Variants in MMP2 observed in about 807,000 individuals in gnomAD.
The protein encoded by MMP2 is 72 kDa type IV collagenase.
MMP2 carries 39 observed loss-of-function variants against 74.8 expected under a neutral mutation model. That is an observed-to-expected ratio of 0.52 (90% CI 0.40 to 0.68). The LOEUF is 0.68. Ranked by LOEUF, MMP2 falls within the 30% of genes least tolerant of loss-of-function variation. The pLI is 0.00. For synonymous variants in MMP2, 367 were observed against 339.8 expected (o/e 1.08, Z -0.88); for missense variants, 803 against 878.3 (o/e 0.91, Z 1.08).
At position 55,505,702 on chromosome 16, in the gene MMP2, A is replaced by C. The variant is rs7201; in HGVS notation, c.*260A>C. 217,731 of 543,508 alleles carry C rather than the reference A, an allele frequency of 0.4. 45,966 individuals are homozygous for C. Among genetic ancestry groups the C allele is most frequent in the Non-Finnish European group, 0.46 (137,294 of 300,748 alleles). The allele number at this position is 543,508 out of a possible 1,614,324, so 33.7% of individuals were successfully genotyped here. ...CCCTCAGAGCCACCCCTAAAGAGAT[A>C]CTTTGATATTTTCAACGCAGCCCTG... On this transcript the variant is annotated 3_prime_UTR_variant, in exon 13 of 13. Transcript: ENST00000219070.
At chr16:55,489,906 C>T in intron 7 of MMP2, 82 bp downstream of exon 7, 2 of 1,484,616 alleles carry the variant, frequency 1.3e-6, no homozygotes, top group South Asian at 1.2e-5. Context: ...CCTGAGACCT[C>T]ACCCACTTCA....
At chr16:55,502,561 T>A (rs1165215125) in intron 11 of MMP2, among the ~76,000 whole-genome samples, 4 of 152,080 alleles carry the variant, frequency 2.6e-5, no homozygotes, top group Admixed American at 2.0e-4. Flanking sequence ...TTTTATGGGG[T>A]CATCCAAAGT....
chr16:55,491,316 G>A lies in MMP2; in HGVS notation c.1181-485G>A, dbSNP rs17859932. 5.0e-3 allele frequency among the ~76,000 whole-genome samples: 760 copies of A among 152,154 alleles called. 6 individuals are homozygous for A. Among genetic ancestry groups the A allele is most frequent in the African/African-American group, 0.017 (708 of 41,506 alleles). The stretch of plus-strand genomic sequence containing the variant: ...GCTGTGGCTCAGCCTGTGCAACCAC[G>A]CTAAGTGTGAAAGGTTTTTACTGCT... On this transcript the variant is annotated intron_variant, in intron 7 of 12. Transcript: ENST00000219070.
Position 55,479,434 on chromosome 16 carries a change from C to G in MMP2, c.-46C>G, listed in dbSNP as rs949271406. ...CAGGCGGCGAGGCGGCCACACGCAC[C>G]GAGCCAGCGACCCCCGGGCGACGCG... On this transcript the variant is annotated 5_prime_UTR_variant, in exon 1 of 13. Transcript: ENST00000219070. The G allele has an allele frequency of 1.4e-6, 2 of 1,435,518 alleles. No homozygotes were observed. The highest frequency in any genetic ancestry group is 1.8e-6 in the Non-Finnish European group (2 of 1,101,046). 88.9% of individuals were successfully genotyped at this position (1,435,518 alleles called of 1,614,324 possible). A position where few individuals can be genotyped will look rare whatever the true frequency, so the allele number is the denominator to read the frequency against.
intron 9 of MMP2, among the ~76,000 whole-genome samples, chr16:55,495,012 G>C (rs1962498449): frequency 6.6e-6 from 1 of 152,234 alleles, no homozygotes; most frequent in Non-Finnish European, 1.5e-5. Flanking sequence ...CTTTCAGGAA[G>C]AGTTTCCTCT....
At chr16:55,489,099 T>C (rs9928731) in intron 6 of MMP2, among the ~76,000 whole-genome samples, 70,763 of 152,006 alleles carry the variant, frequency 0.47, 16,449 homozygotes, top group South Asian at 0.51. Flanking sequence ...CCTTTTAGTC[T>C]GTTTTTTATT....
At chr16:55,489,496 T>A (rs538693128) in intron 6 of MMP2, among the ~76,000 whole-genome samples, 155 bp from the exon 7 acceptor site, 1 of 152,326 alleles carries the variant, frequency 6.6e-6, no homozygotes, top group African/African-American at 2.4e-5. Flanking sequence ...TGCACAAGGC[T>A]GTTGTCAGGG....
intron 9 of MMP2, among the ~76,000 whole-genome samples, chr16:55,495,679 C>G (rs1359905323): frequency 6.6e-6 from 1 of 152,194 alleles, no homozygotes; most frequent in Non-Finnish European, 1.5e-5. Flanking sequence ...ATAACAGAGA[C>G]CATCCCTCTG....
rs565978911 is a variant in MMP2, at chr16:55,500,227, G to GCACGCA, written c.1769+1789_1769+1794dup. On this transcript the variant is annotated intron_variant, in intron 11 of 12. Transcript: ENST00000219070. ...TCCAGACACTAGCCCCAGACAGTGT[G>GCACGCA]CACGCACACGCACACACACACACGC... Among the ~76,000 whole-genome samples the GCACGCA allele has an allele frequency of 4.3e-3, 657 of 152,044 alleles. 2 individuals are homozygous for GCACGCA. The highest frequency in any genetic ancestry group is 0.015 in the African/African-American group (621 of 41,530).
rs1293913738 is a variant in MMP2, at chr16:55,491,933, T to A, written c.1313T>A (p.Ile438Asn). 2 of 1,533,376 alleles carry A rather than the reference T, an allele frequency of 1.3e-6. No individual in the cohort carries two copies. The highest frequency in any genetic ancestry group is 1.8e-6 in the Non-Finnish European group (2 of 1,134,234). 95.0% of individuals were successfully genotyped at this position (1,533,376 alleles called of 1,614,324 possible). Residue 438 changes from isoleucine to asparagine, a missense_variant, in exon 8 of 13, where the codon ATC becomes AAC. Ile to Asn is a moderately radical substitution (Grantham distance 149). Around this residue, in one of 3 missense-constraint regions of MMP2, gnomAD observed 555 missense variants for 592.0 expected, o/e 0.94. Coordinates refer to ENST00000219070, the MANE Select transcript of MMP2 (RefSeq NM_004530.6). ...AACTTCCGTCTGTCCCAGGATGACA[T>A]CAAGGGCATTCAGGAGCTCTATGGT... Reference protein sequence around the residue: ...TKNFRLSQDDIKGIQELYGAS... With the variant: ...TKNFRLSQDDNKGIQELYGAS...
chr16:55,485,099 C>A (rs1962208104), intron 3 of MMP2, among the ~76,000 whole-genome samples, 200 bp from the exon 4 acceptor site: 1 of 151,998 alleles, frequency 6.6e-6, no homozygotes, highest in Admixed American at 6.6e-5. Context: ...CCTGGGAGAG[C>A]AGTGTAGACC....
chr16:55,491,071 CT>C (rs57901132), intron 7 of MMP2, among the ~76,000 whole-genome samples: 10,593 of 145,642 alleles, frequency 0.073, 579 homozygotes, highest in East Asian at 0.19. Context: ...GCCTCTCCTC[CT>C]TTTTTTTTTT....
intron 11 of MMP2, among the ~76,000 whole-genome samples, chr16:55,500,883 CAAG>C (rs1962652440): frequency 6.6e-6 from 1 of 152,212 alleles, no homozygotes; most frequent in South Asian, 2.1e-4. Flanking sequence ...TTCAGCATGC[CAAG>C]AAGAGCTCAG....
chr16:55,481,684 G>A (rs1194815319), intron 1 of MMP2: 4 of 564,358 alleles, frequency 7.1e-6, no homozygotes, highest in African/African-American at 5.7e-5. Context: ...TTGTCCAGAG[G>A]CAATGCAGTG....
chr16:55,486,348 T>TGC (rs1491508349), intron 5 of MMP2, among the ~76,000 whole-genome samples: 26 of 5,244 alleles, frequency 5.0e-3, no homozygotes, highest in African/African-American at 5.8e-3. Flanking sequence ...TGTGTGTGCC[T>TGC]GTGTGTGTGT....
chr16:55,481,979 G>A (rs938448150), intron 1 of MMP2: 31 of 565,198 alleles, frequency 5.5e-5, no homozygotes, highest in South Asian at 8.2e-5. Flanking sequence ...GGCTAGGACC[G>A]TTGTCAGAAG....
chr16:55,490,275 G>GA (rs1248058200), intron 7 of MMP2, among the ~76,000 whole-genome samples: 3 of 152,072 alleles, frequency 2.0e-5, no homozygotes, highest in African/African-American at 7.2e-5. Context: ...TAGAAGAAAG[G>GA]AAAAAAGGAA....
chr16:55,493,408 C>T lies in MMP2; in HGVS notation c.1472+115C>T. The T allele has an allele frequency of 2.8e-6, 4 of 1,406,962 alleles. No individual in the cohort carries two copies. The South Asian group carries it at 4.6e-5, about 16-fold the overall frequency. 87.2% of individuals were successfully genotyped at this position (1,406,962 alleles called of 1,614,324 possible). A position where few individuals can be genotyped will look rare whatever the true frequency, so the allele number is the denominator to read the frequency against. On this transcript the variant is annotated intron_variant, in intron 9 of 12. Transcript: ENST00000219070. ...TCCGCCAAATGCTTCCCAGAATGAC[C>T]TGAATTAGGCAGTTTCTGCTGTGTA...
At chr16:55,484,191 G>C in intron 3 of MMP2, 27 bp downstream of exon 3, 1 of 1,611,626 alleles carries the variant, frequency 6.2e-7, no homozygotes, top group Non-Finnish European at 8.5e-7. Context: ...GCAGAAGAGG[G>C]GCCAGCAGGG....
Sources: allele counts gnomAD v4.1 joint callset (sites outside exome capture counted in the v4.1 genomes callset), GRCh38; gene constraint gnomAD v4.1.1; regional missense constraint gnomAD v4.1.1; transcripts MANE v1.5; gene names NCBI Gene and HGNC (gene_info 2026-07-23, HGNC 2026-07-21).